Variants in SEPTIN9 observed in about 807,000 individuals in gnomAD.
SEPTIN9 encodes septin-9.
A neutral mutation model predicts 56.6 loss-of-function variants in SEPTIN9; 13 were observed. That is an observed-to-expected ratio of 0.23 (90% confidence interval 0.15 to 0.37). The LOEUF (loss-of-function observed/expected upper bound fraction) is 0.37. Ranked by LOEUF, SEPTIN9 falls within the 10% of genes least tolerant of loss-of-function variation. The probability of loss-of-function intolerance (pLI) is 1.00; values close to 1 mark genes in which losing one functional copy is unlikely to be tolerated. For synonymous variants in SEPTIN9, 332 were observed against 334.1 expected, an observed-to-expected ratio of 0.99 and a Z score of 0.07; for missense variants, 650 against 823.1, an observed-to-expected ratio of 0.79 and a Z score of 2.57.
At chr17:77,407,116 T>C (rs2036109097) in intron 3 of SEPTIN9, among the ~76,000 whole-genome samples, 1 of 151,712 alleles carries the variant, frequency 6.6e-6, no homozygotes, top group Admixed American at 6.6e-5. Flanking sequence ...ACCCTATCTT[T>C]ACAAAAAATA....
At chr17:77,471,298 C>T (rs1236871176) in intron 3 of SEPTIN9, among the ~76,000 whole-genome samples, 1 of 152,208 alleles carries the variant, frequency 6.6e-6, no homozygotes, top group Admixed American at 6.5e-5. Flanking sequence ...CAGGCCGTGC[C>T]TCCAGCCCCC....
rs1236149237 is a variant in SEPTIN9 at position 77,484,733 on chromosome 17, ATGG to A, written c.913+2412_913+2414del. ...GATGTGGGTGGTGGTGGTGATTGTG[ATGG>A]TGGTGGTGGTGGTTGTGATGGTGGT... is the stretch of plus-strand genomic sequence containing the variant. On this transcript the variant is annotated intron_variant, in intron 4 of 11. Coordinates refer to ENST00000427177, the MANE Select transcript of SEPTIN9 (RefSeq NM_001113491.2). Among the ~76,000 whole-genome samples the A allele has an allele frequency of 1.9e-4, 5 of 26,846 alleles. 2 individuals carry two copies. The highest frequency in any genetic ancestry group is 2.0e-4 in the Non-Finnish European group (3 of 15,196). 17.6% of individuals were successfully genotyped at this position (26,846 alleles called of 152,430 possible). A position where few individuals can be genotyped will look rare whatever the true frequency, so the allele number is the denominator to read the frequency against.
chr17:77,337,644 A>G (rs1476436269), intron 2 of SEPTIN9, among the ~76,000 whole-genome samples: 2 of 152,274 alleles, frequency 1.3e-5, no homozygotes, highest in Non-Finnish European at 2.9e-5. Flanking sequence ...CTACTAGGAA[A>G]GGTGATTGTT....
At chr17:77,286,797 G>A (rs919996812) in intron 1 of SEPTIN9, among the ~76,000 whole-genome samples, 1 of 152,230 alleles carries the variant, frequency 6.6e-6, no homozygotes, top group Non-Finnish European at 1.5e-5. Flanking sequence ...GCCCGGCCAG[G>A]GGGTGATGAT....
In SEPTIN9 at chr17:77,400,163, A is replaced by G. The variant is rs1013315807; in HGVS notation, c.77-1896A>G. ...AGCTAATTTTTTATTTTTAGTAAAG[A>G]TGGGGTTTCACCACATCAGCCAGGC... On this transcript the variant is annotated intron_variant, in intron 2 of 11. Coordinates refer to ENST00000427177, the MANE Select transcript of SEPTIN9 (RefSeq NM_001113491.2). This position sits in a 1 kb window ranked among gnomAD's most constrained non-coding sequence, Gnocchi z 4.1. Among the ~76,000 whole-genome samples the G allele has an allele frequency of 6.6e-6, 1 of 152,114 alleles. No individual in the cohort carries two copies. Among genetic ancestry groups the G allele is most frequent in the African/African-American group, 2.4e-5 (1 of 41,410 alleles).
intron 3 of SEPTIN9, among the ~76,000 whole-genome samples, chr17:77,468,133 C>T (rs1598422561): frequency 6.6e-6 from 1 of 152,086 alleles, no homozygotes; most frequent in Admixed American, 6.5e-5. Context: ...GGCGTGGTGG[C>T]GGGCGCCTGT....
At chr17:77,386,536 G>A (rs1307822991) in intron 2 of SEPTIN9, among the ~76,000 whole-genome samples, 1 of 152,182 alleles carries the variant, frequency 6.6e-6, no homozygotes, top group Non-Finnish European at 1.5e-5. Flanking sequence ...CTCAGCCATG[G>A]GCCTCTCTGG....
intron 3 of SEPTIN9, among the ~76,000 whole-genome samples, chr17:77,460,395 G>A (rs897587385): frequency 2.6e-5 from 4 of 152,144 alleles, no homozygotes; most frequent in Admixed American, 2.0e-4. Flanking sequence ...GGGGAGGAAA[G>A]AGCTAATTAA....
chr17:77,303,661 A>G (rs1014368034), intron 1 of SEPTIN9, among the ~76,000 whole-genome samples: 1 of 151,866 alleles, frequency 6.6e-6, no homozygotes, highest in South Asian at 2.1e-4. Flanking sequence ...AACCTGGGTG[A>G]CAGAGCAAGA....
At chr17:77,482,798 CT>C in intron 4 of SEPTIN9, 1 of 547,354 alleles carries the variant, frequency 1.8e-6, no homozygotes, top group South Asian at 2.4e-5. Context: ...TCCACACCCC[CT>C]GGTGGCCCCG....
In SEPTIN9 at chr17:77,444,517, A is replaced by C. The variant is rs180851050; in HGVS notation, c.722-37627A>C. Reference sequence around the variant, plus strand: ...AGTGGGAGCTTGAGTCTCTGAAAACAGACAGTGTTCCAAGGGGGAGACCTG... The same window carrying C: ...AGTGGGAGCTTGAGTCTCTGAAAACCGACAGTGTTCCAAGGGGGAGACCTG... On this transcript the variant is annotated intron_variant, in intron 3 of 11. Coordinates refer to ENST00000427177, the MANE Select transcript of SEPTIN9 (RefSeq NM_001113491.2). 6.6e-5 allele frequency among the ~76,000 whole-genome samples: 10 copies of C among 152,124 alleles called. No homozygotes were observed. The East Asian group carries it at 1.2e-3, about 18-fold the overall frequency.
Position 77,492,080 on chromosome 17 carries a change from C to T in SEPTIN9, c.1381-541C>T, listed in dbSNP as rs140521854. ...CCTGGGGCCAGGTGTCAGGGACCTTCCCAGCATGTGCAGGGGAAGACAGTC... is the reference window on the plus strand; with the variant it reads ...CCTGGGGCCAGGTGTCAGGGACCTTTCCAGCATGTGCAGGGGAAGACAGTC... On this transcript the variant is annotated intron_variant, in intron 8 of 11. Coordinates refer to ENST00000427177, the MANE Select transcript of SEPTIN9 (RefSeq NM_001113491.2). This position sits in a 1 kb window ranked among gnomAD's most constrained non-coding sequence, Gnocchi z 5.4. Among the ~76,000 whole-genome samples, 6 of 152,282 alleles carry T rather than the reference C, an allele frequency of 3.9e-5. No homozygotes were observed. The East Asian group carries it at 1.2e-3, about 30-fold the overall frequency.
At chr17:77,393,553 G>C (rs958089158) in intron 2 of SEPTIN9, among the ~76,000 whole-genome samples, 1 of 152,108 alleles carries the variant, frequency 6.6e-6, no homozygotes, top group African/African-American at 2.4e-5. Flanking sequence ...CCTGCCGCGT[G>C]CCATGCCTGC....
intron 2 of SEPTIN9, among the ~76,000 whole-genome samples, chr17:77,378,168 C>T (rs1281349008): frequency 6.6e-6 from 1 of 152,152 alleles, no homozygotes; most frequent in Non-Finnish European, 1.5e-5. Context: ...CCTGCAGTGA[C>T]TGGGTGACTG....
chr17:77,402,516 C>G lies in SEPTIN9; in HGVS notation c.534C>G (p.Ala178=). 1 of 1,604,294 alleles carries G rather than the reference C, an allele frequency of 6.2e-7. No individual in the cohort carries two copies. Among genetic ancestry groups the G allele is most frequent in the Non-Finnish European group, 8.5e-7 (1 of 1,175,970 alleles). ...PASKVPEVPT[A]PATDAAPKRV... ...CCAAGGTCCCCGAGGTGCCCACTGC[C>G]CCTGCCACCGACGCAGCCCCCAAGA... Residue 178 remains alanine, a synonymous_variant, in exon 3 of 12, where the codon GCC becomes GCG. Coordinates refer to ENST00000427177, the MANE Select transcript of SEPTIN9 (RefSeq NM_001113491.2). This position sits in a 1 kb window ranked among gnomAD's most constrained non-coding sequence, Gnocchi z 6.6.
intron 3 of SEPTIN9, among the ~76,000 whole-genome samples, chr17:77,479,432 C>T (rs771610212): frequency 6.6e-6 from 1 of 152,220 alleles, no homozygotes; most frequent in Non-Finnish European, 1.5e-5. Context: ...TCTCTGCGTG[C>T]GTGCCTGCCT....
intron 2 of SEPTIN9, among the ~76,000 whole-genome samples, chr17:77,346,772 T>G (rs1183286001): frequency 6.6e-6 from 1 of 152,190 alleles, no homozygotes; most frequent in Admixed American, 6.5e-5. Flanking sequence ...ATGGCCTACC[T>G]GTTTGTGTCC....
rs2038057312 is a variant in SEPTIN9, at chr17:77,453,322, T to G, written c.722-28822T>G. Among the ~76,000 whole-genome samples, 1 of 152,154 alleles carries G rather than the reference T, an allele frequency of 6.6e-6. No homozygotes were observed. Among genetic ancestry groups the G allele is most frequent in the South Asian group, 2.1e-4 (1 of 4,830 alleles). On this transcript the variant is annotated intron_variant, in intron 3 of 11. Coordinates refer to ENST00000427177, the MANE Select transcript of SEPTIN9 (RefSeq NM_001113491.2). This position sits in a 1 kb window ranked among gnomAD's most constrained non-coding sequence, Gnocchi z 4.4. ...GCATTCCATGTCAAAAATGGCCTTGTTGGCCGGGCGCAGTGGCTCATGCCT... is the reference window on the plus strand; with the variant it reads ...GCATTCCATGTCAAAAATGGCCTTGGTGGCCGGGCGCAGTGGCTCATGCCT...
At position 77,405,260 on chromosome 17, in the gene SEPTIN9, C is replaced by T. The variant is rs186718585; in HGVS notation, c.721+2557C>T. On this transcript the variant is annotated intron_variant, in intron 3 of 11. Transcript: ENST00000427177. This position sits in a 1 kb window ranked among gnomAD's most constrained non-coding sequence, Gnocchi z 5.8. ...CAGGCCCAGGGACACAACCTGCGGG[C>T]TCTGCTTTCTGGAGCTCACCGAGCC... 1 of 834,392 alleles carries T rather than the reference C, an allele frequency of 1.2e-6. No individual in the cohort carries two copies. Among genetic ancestry groups the T allele is most frequent in the East Asian group, 2.7e-5 (1 of 36,608 alleles). 51.7% of individuals were successfully genotyped at this position (834,392 alleles called of 1,614,324 possible). A position where few individuals can be genotyped will look rare whatever the true frequency, so the allele number is the denominator to read the frequency against.
Sources: allele counts gnomAD v4.1 joint callset (sites outside exome capture counted in the v4.1 genomes callset), GRCh38; gene constraint gnomAD v4.1.1; non-coding constraint Gnocchi (gnomAD v3.1); transcripts MANE v1.5; gene names NCBI Gene and HGNC (gene_info 2026-07-23, HGNC 2026-07-21).